PCLO: variants seen among roughly 807,000 people sequenced by gnomAD.
PCLO encodes the protein piccolo presynaptic cytomatrix protein.
In PCLO, 82 loss-of-function variants were observed where a neutral mutation model predicts 427.5. That is an observed-to-expected ratio of 0.19 (90% CI 0.16 to 0.23). The LOEUF is 0.23. Among genes scored for constraint, PCLO ranks in the 10% least tolerant of loss-of-function variants. The pLI, the probability that PCLO is intolerant of heterozygous loss-of-function variation, is 1.00. For missense variants in PCLO, 6,239 were observed against 6,115.9 expected (o/e 1.02, Z -0.67); for synonymous variants, 2,357 against 2,155.4 (o/e 1.09, Z -2.59).
intron 3 of PCLO, among the ~76,000 whole-genome samples, chr7:83,043,763 T>C (rs751659632): frequency 1.8e-4 from 28 of 152,104 alleles, no homozygotes; most frequent in Non-Finnish European, 3.7e-4. Flanking sequence ...AAGTCTACCA[T>C]AAGCAAAAAT....
chr7:83,124,050 T>C (rs1051875281), intron 3 of PCLO, among the ~76,000 whole-genome samples: 7 of 148,686 alleles, frequency 4.7e-5, no homozygotes, highest in Non-Finnish European at 8.9e-5. Context: ...GGCTCACACC[T>C]GTAATCTCAG....
chr7:82,862,566 C>CAAAAAAAAAAAAAAAAAA (rs36075501), intron 10 of PCLO, among the ~76,000 whole-genome samples: 1 of 92,232 alleles, frequency 1.1e-5, no homozygotes, highest in Non-Finnish European at 2.1e-5. Context: ...GACTCTGCCT[C>CAAAAAAAAAAAAAAAAAA]AAAAAAAAAA....
chr7:82,793,412 T>C (rs1422115649), intron 22 of PCLO, among the ~76,000 whole-genome samples: 1 of 152,144 alleles, frequency 6.6e-6, no homozygotes, highest in East Asian at 1.9e-4. Context: ...TGCACCCATA[T>C]GTTGAGAAAA....
chr7:83,015,885 T>C (rs1788194930), intron 3 of PCLO, among the ~76,000 whole-genome samples: 1 of 152,192 alleles, frequency 6.6e-6, no homozygotes, highest in Non-Finnish European at 1.5e-5. Context: ...GTTTTTTGCA[T>C]AGTCAAAAGC....
At chr7:82,793,291 G>A (rs1791145812) in intron 22 of PCLO, among the ~76,000 whole-genome samples, 1 of 152,122 alleles carries the variant, frequency 6.6e-6, no homozygotes, top group South Asian at 2.1e-4. Context: ...TTCCCACCTG[G>A]GGTTTTTAAG....
intron 24 of PCLO, among the ~76,000 whole-genome samples, chr7:82,759,471 A>G (rs1010160026): frequency 6.6e-6 from 1 of 151,888 alleles, no homozygotes; most frequent in African/African-American, 2.4e-5. Context: ...GTGACATTGT[A>G]TATTTTCACT....
rs73710015 is a variant in PCLO at position 82,845,581 on chromosome 7, T to C, written c.13832-96A>G. The C allele has an allele frequency of 6.8e-3, 5,223 of 770,644 alleles. 197 individuals carry two copies. The African/African-American group carries it at 0.081, about 12-fold the overall frequency. 47.7% of individuals were successfully genotyped at this position (770,644 alleles called of 1,614,324 possible). A position where few individuals can be genotyped will look rare whatever the true frequency, so the allele number is the denominator to read the frequency against. On this transcript the variant is annotated intron_variant, in intron 12 of 24. Transcript: ENST00000333891. Reference sequence around the variant, plus strand: ...GTTCTAGGTGACAAAGGTAAAACATTACCTATAAAATAAGCTAAACTTTAA... The same window carrying C: ...GTTCTAGGTGACAAAGGTAAAACATCACCTATAAAATAAGCTAAACTTTAA...
intron 3 of PCLO, among the ~76,000 whole-genome samples, chr7:83,062,399 T>C (rs571698796): frequency 4.1e-4 from 62 of 152,316 alleles, no homozygotes; most frequent in South Asian, 1.7e-3. Flanking sequence ...GGGAAGGAGC[T>C]AATCATTTGA....
At chr7:82,846,454 T>G in intron 12 of PCLO, 113 bp downstream of exon 12, 1 of 655,740 alleles carries the variant, frequency 1.5e-6, no homozygotes, top group Non-Finnish European at 2.6e-6. Flanking sequence ...AACTTTATAT[T>G]TGTCTATATC....
chr7:83,053,410 C>T (rs117126165), intron 3 of PCLO, among the ~76,000 whole-genome samples: 1 of 151,858 alleles, frequency 6.6e-6, no homozygotes, highest in East Asian at 1.9e-4. Context: ...AACCTATATC[C>T]CAATAACTAG....
chr7:82,803,510 T>G (rs1235564145), intron 21 of PCLO, among the ~76,000 whole-genome samples: 1 of 152,122 alleles, frequency 6.6e-6, no homozygotes, highest in Non-Finnish European at 1.5e-5. Context: ...CATAGGTACT[T>G]AGCCAATATG....
At chr7:82,903,323 TA>T (rs956819984) in intron 8 of PCLO, among the ~76,000 whole-genome samples, 147 of 152,052 alleles carry the variant, frequency 9.7e-4, no homozygotes, top group African/African-American at 3.3e-3. Flanking sequence ...TCTATATAAA[TA>T]AATAAAGATT....
intron 11 of PCLO, 33 bp from the exon 12 acceptor site, chr7:82,846,667 T>C (rs960727501): frequency 2.8e-6 from 4 of 1,443,310 alleles, no homozygotes; most frequent in Non-Finnish European, 2.9e-6. Flanking sequence ...AAGAAAGATA[T>C]TGAGGAAATC....
intron 20 of PCLO, among the ~76,000 whole-genome samples, chr7:82,810,985 A>G (rs1318808737): frequency 6.6e-6 from 1 of 151,710 alleles, no homozygotes. Context: ...TAGTGTTTGG[A>G]ATGTAAATAG....
intron 3 of PCLO, among the ~76,000 whole-genome samples, chr7:83,132,247 C>T (rs1451260235): frequency 6.6e-6 from 1 of 152,116 alleles, no homozygotes; most frequent in Non-Finnish European, 1.5e-5. Context: ...ATCTTCTTCC[C>T]TTCTGAAACC....
chr7:83,093,492 AT>A (rs1169852004), intron 3 of PCLO, among the ~76,000 whole-genome samples: 706 of 59,302 alleles, frequency 0.012, 8 homozygotes, highest in Admixed American at 0.019. Context: ...ATATATATAT[AT>A]TTTTTTTTTT....
Position 82,755,971 on chromosome 7 carries a change from T to C in PCLO, c.*2604A>G, listed in dbSNP as rs1051071998. On this transcript the variant is annotated 3_prime_UTR_variant, in exon 25 of 25. Coordinates refer to ENST00000333891, the MANE Select transcript of PCLO (RefSeq NM_033026.6). Reference sequence around the variant, plus strand: ...CTGTTGTCAACTCTGCTGATTGACCTAGCCCCATCGCTAGTTCCTTGGAAC... The same window carrying C: ...CTGTTGTCAACTCTGCTGATTGACCCAGCCCCATCGCTAGTTCCTTGGAAC... 1.3e-5 allele frequency: 2 copies of C among 152,186 alleles called. No individual in the cohort carries two copies. Among genetic ancestry groups the C allele is most frequent in the Non-Finnish European group, 2.9e-5 (2 of 68,042 alleles). 9.4% of individuals were successfully genotyped at this position (152,186 alleles called of 1,614,324 possible). A position where few individuals can be genotyped will look rare whatever the true frequency, so the allele number is the denominator to read the frequency against.
intron 13 of PCLO, among the ~76,000 whole-genome samples, chr7:82,844,349 C>A (rs1036737415): frequency 6.6e-6 from 1 of 152,060 alleles, no homozygotes; most frequent in Non-Finnish European, 1.5e-5. Flanking sequence ...GCTTATGAAG[C>A]TTTTCTATAT....
intron 22 of PCLO, among the ~76,000 whole-genome samples, chr7:82,778,421 C>T (rs568626410): frequency 6.6e-6 from 1 of 152,212 alleles, no homozygotes; most frequent in Admixed American, 6.5e-5. Context: ...CTGGTATATA[C>T]TCAAAGGAAT....
Sources: gnomAD v4.1 joint callset for allele counts (sites outside exome capture counted in the v4.1 genomes callset) on GRCh38, gnomAD v4.1.1 for gene constraint, MANE v1.5 for transcripts, NCBI Gene and HGNC (gene_info 2026-07-23, HGNC 2026-07-21) for gene names.